Variants in SMYD3 observed in about 807,000 individuals in gnomAD.
The protein encoded by SMYD3 is histone-lysine N-methyltransferase SMYD3.
Under a neutral mutation model 57.7 loss-of-function variants are expected in SMYD3, and 36 were observed. The ratio of observed to expected loss-of-function variants is 0.62; its 90% CI spans 0.48 to 0.82. The LOEUF is 0.82. Ranked by LOEUF, SMYD3 falls within the 40% of genes least tolerant of loss-of-function variation. The pLI, the probability that SMYD3 is intolerant of heterozygous loss-of-function variation, is 0.00. For missense variants in SMYD3, 515 were observed against 538.8 expected, an observed-to-expected ratio of 0.96 and a Z score of 0.44; for synonymous variants, 211 against 195.0, an observed-to-expected ratio of 1.08 and a Z score of -0.68.
At chr1:246,383,840 T>C (rs543903580) in intron 1 of SMYD3, among the ~76,000 whole-genome samples, 1 of 152,302 alleles carries the variant, frequency 6.6e-6, no homozygotes, top group Non-Finnish European at 1.5e-5. Flanking sequence ...CATGTTTGTT[T>C]CTCCTGCCAT....
intron 2 of SMYD3, among the ~76,000 whole-genome samples, chr1:246,352,838 GA>G (rs1227637483): frequency 4.6e-5 from 7 of 151,994 alleles, no homozygotes; most frequent in Middle Eastern, 3.4e-3. Flanking sequence ...CAAAACAGGG[GA>G]AAAAAATGTT....
intron 5 of SMYD3, among the ~76,000 whole-genome samples, chr1:245,954,279 G>A (rs908920337): frequency 2.0e-5 from 3 of 152,156 alleles, no homozygotes; most frequent in African/African-American, 7.2e-5. Context: ...CTAGTTTCCT[G>A]AGTCAATATG....
chr1:246,156,056 A>AT (rs934858043), intron 5 of SMYD3, among the ~76,000 whole-genome samples: 105 of 148,980 alleles, frequency 7.0e-4, no homozygotes, highest in East Asian at 4.3e-3. Flanking sequence ...GAAGGACAGA[A>AT]TTTTTTTTTT....
At chr1:246,312,667 T>C (rs867427886) in intron 5 of SMYD3, among the ~76,000 whole-genome samples, 1 of 152,060 alleles carries the variant, frequency 6.6e-6, no homozygotes, top group Non-Finnish European at 1.5e-5. Flanking sequence ...TAGATGAAGA[T>C]TTTTGTTGGT....
chr1:245,772,974 C>A, intron 10 of SMYD3, among the ~76,000 whole-genome samples: 1 of 150,548 alleles, frequency 6.6e-6, no homozygotes, highest in East Asian at 2.0e-4. Context: ...CAACTCCATA[C>A]GAACACAAAC....
chr1:246,037,823 A>G (rs953709793), intron 5 of SMYD3, among the ~76,000 whole-genome samples: 14 of 152,094 alleles, frequency 9.2e-5, no homozygotes, highest in Admixed American at 9.2e-4. Context: ...CTATTTTTCT[A>G]CTGGTTTGTT....
intron 5 of SMYD3, among the ~76,000 whole-genome samples, chr1:246,312,213 C>T (rs1303739592): frequency 6.6e-6 from 1 of 152,068 alleles, no homozygotes. Flanking sequence ...TACTTAAAAG[C>T]CTTGATTTCA....
chr1:246,013,225 G>A (rs958808107), intron 5 of SMYD3, among the ~76,000 whole-genome samples: 13 of 152,126 alleles, frequency 8.5e-5, no homozygotes, highest in Non-Finnish European at 1.6e-4. Context: ...TTTCACACCA[G>A]CTAGAGTAAA....
At chr1:246,080,916 T>C (rs1287450954) in intron 5 of SMYD3, among the ~76,000 whole-genome samples, 2 of 152,212 alleles carry the variant, frequency 1.3e-5, no homozygotes, top group Non-Finnish European at 2.9e-5. Context: ...AATCAAGGCT[T>C]GGATAACAAA....
At chr1:246,391,762 A>T (rs1056760024) in intron 1 of SMYD3, among the ~76,000 whole-genome samples, 3 of 152,208 alleles carry the variant, frequency 2.0e-5, no homozygotes, top group Admixed American at 6.5e-5. Context: ...TTTTCTGAGC[A>T]TTAAAGATCC....
chr1:245,831,363 C>T (rs1421004248), intron 10 of SMYD3, among the ~76,000 whole-genome samples: 1 of 152,176 alleles, frequency 6.6e-6, no homozygotes, highest in Admixed American at 6.5e-5. Context: ...TAGCATTTGG[C>T]CAAGACCTTT....
rs375928224 is a variant in SMYD3 at position 246,228,158 on chromosome 1, T to C, written c.531+99043A>G. Among the ~76,000 whole-genome samples, 84 of 152,052 alleles carry C rather than the reference T, an allele frequency of 5.5e-4. No homozygotes were observed. In the South Asian group the frequency reaches 0.016, roughly 30 times the overall value. On this transcript the variant is annotated intron_variant, in intron 5 of 11. Transcript: ENST00000490107. Reference sequence around the variant, plus strand: ...CTAATTTTTGTATTTTTAGTAGAGATGGGTTTTCACCATGTTGGCCAGGCT... The same window carrying C: ...CTAATTTTTGTATTTTTAGTAGAGACGGGTTTTCACCATGTTGGCCAGGCT...
intron 10 of SMYD3, among the ~76,000 whole-genome samples, chr1:245,798,505 C>T (rs928894609): frequency 2.4e-5 from 3 of 123,976 alleles, no homozygotes; most frequent in Non-Finnish European, 4.9e-5. Flanking sequence ...CACACACACA[C>T]CTTGAGCCTT....
rs188065353 is a variant in SMYD3, at chr1:246,485,644, A to G, written c.164+21410T>C. On this transcript the variant is annotated intron_variant, in intron 1 of 11. Coordinates refer to ENST00000490107, the MANE Select transcript of SMYD3 (RefSeq NM_001167740.2). ...TCTCTACAAAAAAAATTTTTTTTAAATAGCTGGGGGTGGTGGTTCGTGCCT... is the reference window on the plus strand; with the variant it reads ...TCTCTACAAAAAAAATTTTTTTTAAGTAGCTGGGGGTGGTGGTTCGTGCCT... Among the ~76,000 whole-genome samples, 418 of 152,132 alleles carry G rather than the reference A, an allele frequency of 2.7e-3. 4 individuals are homozygous for G. The highest frequency in any genetic ancestry group is 0.019 in the East Asian group (100 of 5,174).
At chr1:246,269,905 G>A (rs538338142) in intron 5 of SMYD3, among the ~76,000 whole-genome samples, 2 of 152,112 alleles carry the variant, frequency 1.3e-5, no homozygotes, top group Non-Finnish European at 2.9e-5. Context: ...CTTTGTACAT[G>A]AGGTTTACCT....
intron 5 of SMYD3, among the ~76,000 whole-genome samples, chr1:246,080,507 C>T (rs563051505): frequency 2.2e-3 from 334 of 152,258 alleles, no homozygotes; most frequent in African/African-American, 7.1e-3. Flanking sequence ...CTGTCTTCCA[C>T]GAAACTGGTT....
At chr1:246,478,895 GGT>G (rs1329243939) in intron 1 of SMYD3, among the ~76,000 whole-genome samples, 6 of 139,412 alleles carry the variant, frequency 4.3e-5, no homozygotes, top group Non-Finnish European at 7.8e-5. Flanking sequence ...TCCTGGAGCT[GGT>G]ACATAAGTGC....
chr1:246,259,915 A>G (rs1113270), intron 5 of SMYD3, among the ~76,000 whole-genome samples: 53,398 of 151,960 alleles, frequency 0.35, 10,245 homozygotes, highest in East Asian at 0.79. Context: ...TCTACACAGG[A>G]ATGGGGGATG....
At chr1:246,476,097 T>C (rs892095689) in intron 1 of SMYD3, among the ~76,000 whole-genome samples, 3 of 152,232 alleles carry the variant, frequency 2.0e-5, no homozygotes, top group Non-Finnish European at 4.4e-5. Context: ...GTAATGTTCA[T>C]TCTAATGAAT....
Sources: allele counts gnomAD v4.1 joint callset (sites outside exome capture counted in the v4.1 genomes callset), GRCh38; gene constraint gnomAD v4.1.1; transcripts MANE v1.5; gene names NCBI Gene and HGNC (gene_info 2026-07-23, HGNC 2026-07-21).